The following SOX5 variants were observed in gnomAD, a reference collection of about 807,000 sequenced individuals.
The protein encoded by SOX5 is transcription factor SOX-5.
A neutral mutation model predicts 92.0 loss-of-function variants in SOX5; 9 were observed. The observed-to-expected ratio is 0.10, with a 90% CI of 0.06 to 0.17. The LOEUF is 0.17. SOX5 is among the 10% of genes least tolerant of loss of function. The pLI is 1.00. For missense variants in SOX5, 642 were observed against 944.5 expected, an observed-to-expected ratio of 0.68 and a Z score of 4.20; for synonymous variants, 344 against 336.3, an observed-to-expected ratio of 1.02 and a Z score of -0.25.
chr12:23,690,241 C>T (rs908959616), intron 6 of SOX5, among the ~76,000 whole-genome samples: 1 of 152,156 alleles, frequency 6.6e-6, no homozygotes, highest in Non-Finnish European at 1.5e-5. Flanking sequence ...GATCTGGTTA[C>T]AAGACATGTC....
At chr12:24,249,732 C>A (rs765268621) in intron 3 of SOX5, among the ~76,000 whole-genome samples, 9 of 152,202 alleles carry the variant, frequency 5.9e-5, no homozygotes, top group Admixed American at 2.6e-4. Flanking sequence ...AACCACCTCA[C>A]TGAAATAAAA....
intron 1 of SOX5, among the ~76,000 whole-genome samples, chr12:23,904,707 A>C (rs1170294646): frequency 6.6e-6 from 1 of 151,984 alleles, no homozygotes; most frequent in Non-Finnish European, 1.5e-5. Flanking sequence ...TTTTGAAGTG[A>C]TCTTCATCAA....
intron 4 of SOX5, among the ~76,000 whole-genome samples, chr12:24,154,598 G>A (rs2138881165): frequency 6.6e-6 from 1 of 152,174 alleles, no homozygotes; most frequent in Non-Finnish European, 1.5e-5. Flanking sequence ...CAATGTTTGG[G>A]AGGCATTAAA....
chr12:23,820,395 T>C (rs562998427), intron 3 of SOX5, among the ~76,000 whole-genome samples: 1 of 152,342 alleles, frequency 6.6e-6, no homozygotes, highest in East Asian at 1.9e-4. Flanking sequence ...CTGATGACAG[T>C]TTCCTTTGCT....
intron 2 of SOX5, 26 bp downstream of exon 2, chr12:23,895,767 G>A: frequency 6.6e-7 from 1 of 1,512,188 alleles, no homozygotes; most frequent in East Asian, 2.3e-5. Context: ...AGTGAGTGTA[G>A]GCACAATAAA....
At chr12:23,867,180 G>A (rs1419636036) in intron 2 of SOX5, among the ~76,000 whole-genome samples, 1 of 152,092 alleles carries the variant, frequency 6.6e-6, no homozygotes, top group African/African-American at 2.4e-5. Flanking sequence ...ACACAGGTAA[G>A]TCTCACATTT....
intron 10 of SOX5, among the ~76,000 whole-genome samples, chr12:23,573,314 T>G (rs568884274): frequency 1.6e-4 from 25 of 152,282 alleles, no homozygotes; most frequent in African/African-American, 5.5e-4. Flanking sequence ...TTCATATTCT[T>G]CCGCTCTGTA....
chr12:23,683,408 T>C (rs978903882), intron 6 of SOX5, among the ~76,000 whole-genome samples: 2 of 151,962 alleles, frequency 1.3e-5, no homozygotes, highest in Admixed American at 1.3e-4. Flanking sequence ...TGCTATCTCA[T>C]AGTTCATAAC....
At chr12:23,808,265 C>T (rs1489105247) in intron 3 of SOX5, among the ~76,000 whole-genome samples, 3 of 151,960 alleles carry the variant, frequency 2.0e-5, no homozygotes, top group African/African-American at 7.3e-5. Flanking sequence ...AATGACTTTC[C>T]CACGATCCTT....
chr12:23,956,390 G>A (rs1290139015), intron 4 of SOX5, among the ~76,000 whole-genome samples: 2 of 152,146 alleles, frequency 1.3e-5, no homozygotes, highest in Non-Finnish European at 2.9e-5. Context: ...TATCACCTGA[G>A]CTCTGCCTCC....
At position 23,970,841 on chromosome 12, in the gene SOX5, A is replaced by ATATATATATATATATATATATATATATT; in HGVS notation, c.-1-74818_-1-74817insAATATATATATATATATATATATATATA. Among the ~76,000 whole-genome samples, 77 of 21,840 alleles carry ATATATATATATATATATATATATATATT rather than the reference A, an allele frequency of 3.5e-3. 13 individuals are homozygous for ATATATATATATATATATATATATATATT. The highest frequency in any genetic ancestry group is 9.1e-3 in the African/African-American group (73 of 7,998). 14.3% of individuals were successfully genotyped at this position (21,840 alleles called of 152,430 possible). A position where few individuals can be genotyped will look rare whatever the true frequency, so the allele number is the denominator to read the frequency against. ...ACATGGGACTTTATATATATATATAATTTTTTTTTTTTTTTAAGAAATGGG... is the reference window on the plus strand; with the variant it reads ...ACATGGGACTTTATATATATATATAATATATATATATATATATATATATATATTTTTTTTTTTTTTTTTAAGAAATGGG... On this transcript the variant is annotated intron_variant, in intron 4 of 4. Coordinates refer to the SOX5 transcript ENST00000446891.
intron 1 of SOX5, chr12:23,920,471 C>CT (rs1396269945): frequency 6.6e-6 from 1 of 152,200 alleles, no homozygotes; most frequent in African/African-American, 2.4e-5. Flanking sequence ...GCATGGACTA[C>CT]TGGCACTTCT....
intron 2 of SOX5, among the ~76,000 whole-genome samples, chr12:23,872,234 G>A (rs1194807535): frequency 2.3e-5 from 3 of 133,214 alleles, no homozygotes; most frequent in South Asian, 4.7e-4. Flanking sequence ...GGATGGTCTC[G>A]ATCTCCTGAC....
intron 3 of SOX5, among the ~76,000 whole-genome samples, chr12:23,759,337 T>C (rs367625055): frequency 2.0e-5 from 3 of 152,030 alleles, no homozygotes; most frequent in African/African-American, 7.2e-5. Flanking sequence ...ATTTTACTTA[T>C]ATAGTAGAAG....
intron 2 of SOX5, among the ~76,000 whole-genome samples, chr12:24,293,553 T>C (rs1565844269): frequency 6.6e-6 from 1 of 152,032 alleles, no homozygotes; most frequent in South Asian, 2.1e-4. Context: ...GAGAGCAGAA[T>C]ATCAACATAT....
intron 5 of SOX5, among the ~76,000 whole-genome samples, chr12:23,740,025 C>T (rs958614641): frequency 5.3e-5 from 8 of 152,144 alleles, no homozygotes; most frequent in African/African-American, 1.9e-4. Flanking sequence ...ACATAAGAAG[C>T]ACTAGATTAC....
chr12:23,605,942 T>G (rs2075202984), intron 8 of SOX5, among the ~76,000 whole-genome samples: 1 of 152,004 alleles, frequency 6.6e-6, no homozygotes, highest in Non-Finnish European at 1.5e-5. Context: ...GTTTTATGTG[T>G]TGGAATAATT....
At chr12:23,599,677 T>C (rs1237045852) in intron 9 of SOX5, among the ~76,000 whole-genome samples, 1 of 152,214 alleles carries the variant, frequency 6.6e-6, no homozygotes, top group Non-Finnish European at 1.5e-5. Flanking sequence ...ACACTTACAA[T>C]GTGAAGTTTG....
At chr12:24,180,557 G>C (rs1483113378) in intron 4 of SOX5, among the ~76,000 whole-genome samples, 3 of 152,086 alleles carry the variant, frequency 2.0e-5, no homozygotes, top group Non-Finnish European at 4.4e-5. Context: ...ACAATCCCTT[G>C]ACAGCAATGG....
Sources: gnomAD v4.1 joint callset for allele counts (sites outside exome capture counted in the v4.1 genomes callset) on GRCh38, gnomAD v4.1.1 for gene constraint, MANE v1.5 for transcripts, NCBI Gene and HGNC (gene_info 2026-07-23, HGNC 2026-07-21) for gene names.